Variants in TEX11 observed in about 807,000 individuals in gnomAD.
TEX11 encodes testis expressed 11.
Under a neutral mutation model 84.4 loss-of-function variants are expected in TEX11, and 7 were observed. The ratio of observed to expected loss-of-function variants is 0.08; its 90% confidence interval spans 0.05 to 0.16. The LOEUF is 0.16. Ranked by LOEUF, TEX11 falls within the 10% of genes least tolerant of loss-of-function variation. TEX11 has a pLI of 1.00. For missense variants in TEX11, 551 were observed against 660.5 expected, an observed-to-expected ratio of 0.83 and a Z score of 1.82; for synonymous variants, 264 against 222.8, an observed-to-expected ratio of 1.18 and a Z score of -1.64.
At chrX:70,749,650 A>G (rs1280080353) in intron 9 of TEX11, among the ~76,000 whole-genome samples, 1 of 101,082 alleles carries the variant, frequency 9.9e-6, no homozygotes, top group African/African-American at 3.6e-5. Context: ...GAATTTTGTC[A>G]AAGGCTTTTT....
intron 13 of TEX11, among the ~76,000 whole-genome samples, chrX:70,690,310 G>A (rs1159758975): frequency 9.0e-6 from 1 of 111,715 alleles, no homozygotes; most frequent in Non-Finnish European, 1.9e-5. Flanking sequence ...TATATAAGAT[G>A]GCAATACTAG....
intron 13 of TEX11, among the ~76,000 whole-genome samples, chrX:70,716,663 A>G (rs1355216375): frequency 8.9e-6 from 1 of 112,095 alleles, no homozygotes; most frequent in Non-Finnish European, 1.9e-5. Context: ...GGTGGGAGTG[A>G]CCAAATTTTC....
intron 25 of TEX11, among the ~76,000 whole-genome samples, chrX:70,580,657 G>A (rs2088759615): frequency 8.9e-6 from 1 of 112,266 alleles, no homozygotes; most frequent in Non-Finnish European, 1.9e-5. Context: ...ATTTATTTAT[G>A]TAATGTATAA....
At chrX:70,576,984 G>C (rs756306883) in intron 25 of TEX11, among the ~76,000 whole-genome samples, 1 of 111,678 alleles carries the variant, frequency 9.0e-6, no homozygotes, top group South Asian at 3.8e-4. Context: ...AAGCAGTGGG[G>C]AGGAAAGAGT....
chrX:70,627,993 C>T (rs1000690011), intron 18 of TEX11, among the ~76,000 whole-genome samples: 7 of 111,198 alleles, frequency 6.3e-5, no homozygotes, highest in Non-Finnish European at 1.3e-4. Flanking sequence ...CTTTGGGAGG[C>T]TGAGGTAGAC....
intron 13 of TEX11, among the ~76,000 whole-genome samples, chrX:70,705,656 AGC>A (rs1238845649): frequency 1.2e-4 from 14 of 112,332 alleles, no homozygotes; most frequent in Admixed American, 1.2e-3. Flanking sequence ...AAAGGATATG[AGC>A]AGACACTTCT....
chrX:70,513,147 A>G, the TEX11 span, among the ~76,000 whole-genome samples: 2 of 107,986 alleles, frequency 1.9e-5, 1 homozygote, highest in African/African-American at 6.9e-5. Context: ...TGAGGTCGGG[A>G]GTTCAAGACC....
intron 2 of TEX11, among the ~76,000 whole-genome samples, chrX:70,897,184 T>C (rs776450621): frequency 2.2e-5 from 1 of 46,461 alleles, no homozygotes; most frequent in African/African-American, 5.8e-5. Context: ...ATATGTTATA[T>C]ATAATATATG....
intron 7 of TEX11, among the ~76,000 whole-genome samples, chrX:70,847,245 C>T (rs1189120818): frequency 1.8e-5 from 2 of 111,429 alleles, no homozygotes; most frequent in East Asian, 2.8e-4. Context: ...TGTGCAGAAC[C>T]GTGAGCAAGA....
At chrX:70,679,552 GC>G (rs2090115500) in intron 14 of TEX11, among the ~76,000 whole-genome samples, 1 of 110,681 alleles carries the variant, frequency 9.0e-6, no homozygotes, top group Non-Finnish European at 1.9e-5. Flanking sequence ...CTGCCCGGCC[GC>G]CCCGTCTGAG....
At chrX:70,523,466 AT>A in the TEX11 span, among the ~76,000 whole-genome samples, 2 of 111,067 alleles carry the variant, frequency 1.8e-5, no homozygotes, top group Non-Finnish European at 3.8e-5. Context: ...GAGAAGGATT[AT>A]GCTTTTCTTT....
chrX:70,810,231 G>A (rs1354501025), intron 8 of TEX11, among the ~76,000 whole-genome samples: 2 of 112,070 alleles, frequency 1.8e-5, no homozygotes, highest in African/African-American at 3.2e-5. Flanking sequence ...GGAAGACAGT[G>A]TGGTGATTCC....
At chrX:70,671,425 A>AT (rs1428989701) in intron 15 of TEX11, among the ~76,000 whole-genome samples, 2 of 111,499 alleles carry the variant, frequency 1.8e-5, no homozygotes, top group South Asian at 3.8e-4. Flanking sequence ...TGACTATTAC[A>AT]TTAGTCATAG....
At chrX:70,675,235 T>C (rs774102130) in intron 15 of TEX11, among the ~76,000 whole-genome samples, 14 of 112,577 alleles carry the variant, frequency 1.2e-4, no homozygotes, top group Admixed American at 6.6e-4. Flanking sequence ...CCATTTCTGG[T>C]ATTCTTTATT....
At position 70,750,933 on chromosome X, in the gene TEX11, A is replaced by AAAAAT. The variant is rs1390175136; in HGVS notation, c.693-6715_693-6714insATTTT. On this transcript the variant is annotated intron_variant, in intron 9 of 29. Coordinates refer to ENST00000374333, the MANE Select transcript of TEX11 (RefSeq NM_031276.3). ...ACTTAAAGTATAATAAAAAAAAAAA[A>AAAAAT]ATATATATATATATATATATATATA... 4.0e-3 allele frequency among the ~76,000 whole-genome samples: 113 copies of AAAAAT among 28,167 alleles called. 1 individual carries two copies. Among genetic ancestry groups the AAAAAT allele is most frequent in the African/African-American group, 9.6e-3 (80 of 8,369 alleles). 24.5% of individuals were successfully genotyped at this position (28,167 alleles called of 115,157 possible).
At chrX:70,625,241 G>A (rs916491309) in intron 18 of TEX11, among the ~76,000 whole-genome samples, 1 of 110,632 alleles carries the variant, frequency 9.0e-6, no homozygotes, top group South Asian at 3.9e-4. Flanking sequence ...AAGAACCCCA[G>A]ATTGTCAGGT....
At chrX:70,757,246 T>C (rs1412331613) in intron 9 of TEX11, among the ~76,000 whole-genome samples, 1 of 111,224 alleles carries the variant, frequency 9.0e-6, no homozygotes, top group Non-Finnish European at 1.9e-5. Flanking sequence ...CAGGTCAACA[T>C]TCAAATTCAG....
At chrX:70,569,794 T>C (rs766236619) in intron 25 of TEX11, among the ~76,000 whole-genome samples, 1 of 111,031 alleles carries the variant, frequency 9.0e-6, no homozygotes, top group South Asian at 4.0e-4. Context: ...TACCCAGCTG[T>C]GTGAGGTGTC....
chrX:70,781,047 T>A (rs1419359128), intron 9 of TEX11, among the ~76,000 whole-genome samples: 1 of 111,815 alleles, frequency 8.9e-6, no homozygotes, highest in Non-Finnish European at 1.9e-5. Context: ...GTGAGACACC[T>A]CCCAGTAAGG....
Sources: gnomAD v4.1 joint callset for allele counts (sites outside exome capture counted in the v4.1 genomes callset) on GRCh38, gnomAD v4.1.1 for gene constraint, MANE v1.5 for transcripts, NCBI Gene and HGNC (gene_info 2026-07-23, HGNC 2026-07-21) for gene names.